ARHGAP8: variants seen among roughly 807,000 people sequenced by gnomAD.
The protein encoded by ARHGAP8 is rho GTPase-activating protein 8.
Under a neutral mutation model 46.1 loss-of-function variants are expected in ARHGAP8, and 62 were observed. That is an observed-to-expected ratio of 1.34 (90% CI 1.10 to 1.66). ARHGAP8 has a LOEUF of 1.66. Among genes scored for constraint, ARHGAP8 ranks in the 40% most tolerant of loss-of-function variants. The probability of loss-of-function intolerance (pLI) is 0.00; values close to 1 mark genes in which losing one functional copy is unlikely to be tolerated. For synonymous variants in ARHGAP8, 375 were observed against 243.1 expected (o/e 1.54, Z -5.05); for missense variants, 923 against 568.4 (o/e 1.62, Z -6.34).
chr22:44,822,171 G>C (rs1417336216), intron 5 of ARHGAP8, among the ~76,000 whole-genome samples, 200 bp from the exon 6 acceptor site: 3 of 152,112 alleles, frequency 2.0e-5, no homozygotes, highest in Non-Finnish European at 4.4e-5. Flanking sequence ...TGGTGCATTG[G>C]AGATCTCGTG....
At chr22:44,774,817 T>C (rs132474) in intron 1 of ARHGAP8, among the ~76,000 whole-genome samples, 120,838 of 150,812 alleles carry the variant, frequency 0.8, 48,625 homozygotes, top group South Asian at 0.87. Context: ...CCACCGTGCC[T>C]GGCCTTTTTT....
chr22:44,859,863 G>A (rs753906930), intron 11 of ARHGAP8, 29 bp downstream of exon 11: 12 of 1,608,270 alleles, frequency 7.5e-6, no homozygotes, highest in Non-Finnish European at 9.3e-6. Context: ...AGCTTGGGGT[G>A]AAGCCCAGTG....
At chr22:44,857,005 A>G (rs1207594794) in intron 10 of ARHGAP8, among the ~76,000 whole-genome samples, 1 of 141,634 alleles carries the variant, frequency 7.1e-6, no homozygotes, top group South Asian at 2.2e-4. Flanking sequence ...CAATGGTGCA[A>G]TCTCGGCTCA....
rs74954045 is a variant in ARHGAP8 at position 44,791,828 on chromosome 22, A to G, written c.79+5222A>G. 3.2e-4 allele frequency among the ~76,000 whole-genome samples: 48 copies of G among 152,268 alleles called. 1 individual carries two copies. In the East Asian group the frequency reaches 4.4e-3, roughly 14 times the overall value. ...TTAACCAGCAGTCATCAGGAACAAC[A>G]AGGATGGAGGTGCCTGGAGAAGAGC... is the stretch of plus-strand genomic sequence containing the variant. On this transcript the variant is annotated intron_variant, in intron 2 of 11. Coordinates refer to ENST00000356099, the MANE Select transcript of ARHGAP8 (RefSeq NM_181335.3).
At position 44,862,378 on chromosome 22, in the gene ARHGAP8, C is replaced by T; in HGVS notation, c.1085C>T (p.Ala362Val). The T allele has an allele frequency of 6.2e-7, 1 of 1,614,154 alleles. No individual in the cohort carries two copies. The highest frequency in any genetic ancestry group is 8.5e-7 in the Non-Finnish European group (1 of 1,180,018). ...WPSQGVSSLS[A>V]LVPLNMFTEL... is the part of the protein sequence containing the mutation. ...TCCCAGGGGGTCTCCTCCCTGAGTGCCCTTGTGCCCCTGAACATGTTCACT... is the reference window on the plus strand; with the variant it reads ...TCCCAGGGGGTCTCCTCCCTGAGTGTCCTTGTGCCCCTGAACATGTTCACT... Residue 362 changes from alanine (A) to valine (V), a missense_variant, in exon 12 of 12, where the codon GCC becomes GTC. Coordinates refer to ENST00000356099, the MANE Select transcript of ARHGAP8 (RefSeq NM_181335.3).
chr22:44,786,175 G>C (rs899489702), intron 1 of ARHGAP8: 2 of 543,524 alleles, frequency 3.7e-6, no homozygotes, highest in Non-Finnish European at 6.6e-6. Flanking sequence ...GTGCATAATG[G>C]GTGCTCGGCT....
intron 1 of ARHGAP8, among the ~76,000 whole-genome samples, chr22:44,767,744 G>A (rs1391277362): frequency 1.3e-5 from 2 of 151,304 alleles, no homozygotes; most frequent in South Asian, 2.1e-4. Context: ...GCAGAGGTGC[G>A]TGCCTGTAAT....
chr22:44,860,931 G>A lies in ARHGAP8; in HGVS notation c.981+1097G>A, dbSNP rs560591283. Among the ~76,000 whole-genome samples, 11 of 152,064 alleles carry A rather than the reference G, an allele frequency of 7.2e-5. No individual in the cohort carries two copies. The East Asian group carries it at 1.4e-3, about 19-fold the overall frequency. ...AGTCTGTTGGAGAATGTCACTTCTTGGTTTTACAACAATTTTTTTTCTCCC... is the reference window on the plus strand; with the variant it reads ...AGTCTGTTGGAGAATGTCACTTCTTAGTTTTACAACAATTTTTTTTCTCCC... On this transcript the variant is annotated intron_variant, in intron 11 of 11. Coordinates refer to ENST00000356099, the MANE Select transcript of ARHGAP8 (RefSeq NM_181335.3).
intron 5 of ARHGAP8, among the ~76,000 whole-genome samples, chr22:44,815,170 C>G (rs912977779): frequency 2.0e-5 from 3 of 152,196 alleles, no homozygotes; most frequent in African/African-American, 7.2e-5. Flanking sequence ...TCCAGGAGGA[C>G]CAAGTGCAAG....
chr22:44,810,373 C>T (rs1364905092), intron 4 of ARHGAP8, among the ~76,000 whole-genome samples: 1 of 151,970 alleles, frequency 6.6e-6, no homozygotes, highest in African/African-American at 2.4e-5. Flanking sequence ...TCCTGAGTAC[C>T]TGGGACTACA....
intron 1 of ARHGAP8, among the ~76,000 whole-genome samples, chr22:44,776,848 C>T (rs1926462051): frequency 6.6e-6 from 1 of 152,014 alleles, no homozygotes; most frequent in African/African-American, 2.4e-5. Flanking sequence ...GTAACTCACC[C>T]CTCCTTCCAC....
chr22:44,786,711 GGCAAGATT>G, intron 2 of ARHGAP8, 105 bp downstream of exon 2: 3 of 1,457,664 alleles, frequency 2.1e-6, no homozygotes, highest in Non-Finnish European at 2.7e-6. Flanking sequence ...ACTGCAGCTG[GGCAAGATT>G]GAAATCTAAT....
intron 9 of ARHGAP8, 141 bp from the exon 10 acceptor site, chr22:44,848,791 A>G: frequency 4.1e-6 from 6 of 1,459,230 alleles, no homozygotes; most frequent in Non-Finnish European, 5.5e-6. Context: ...AGGTGGGGAC[A>G]GCATCATCCC....
chr22:44,858,256 G>T (rs1434010979), intron 10 of ARHGAP8, among the ~76,000 whole-genome samples: 9 of 152,242 alleles, frequency 5.9e-5, no homozygotes, highest in Non-Finnish European at 1.3e-4. Context: ...TGTGTTGGAG[G>T]ATGTGGGTAC....
At chr22:44,759,686 T>C (rs890238016) in intron 1 of ARHGAP8, among the ~76,000 whole-genome samples, 3 of 152,214 alleles carry the variant, frequency 2.0e-5, no homozygotes, top group Non-Finnish European at 4.4e-5. Flanking sequence ...CTCAGAAGTA[T>C]CCTGGAGCCT....
intron 10 of ARHGAP8, 109 bp from the exon 11 acceptor site, chr22:44,859,622 G>T (rs929690138): frequency 1.3e-4 from 158 of 1,210,948 alleles, no homozygotes; most frequent in Non-Finnish European, 1.4e-4. Flanking sequence ...ATGTGGGATA[G>T]TCCATCCTCA....
chr22:44,772,335 TTTGTATTTTCTTTTTTC>T (rs1264215247), intron 1 of ARHGAP8, among the ~76,000 whole-genome samples: 5 of 134,992 alleles, frequency 3.7e-5, no homozygotes, highest in South Asian at 2.3e-4. Context: ...TGACTTTTTT[TTTGTATTTTCTTTTTTC>T]TTTTTTTTTT....
intron 11 of ARHGAP8, among the ~76,000 whole-genome samples, chr22:44,861,146 T>A (rs3830117): frequency 0.41 from 62,025 of 151,778 alleles, 12,928 homozygotes; most frequent in East Asian, 0.6. Context: ...TAATTTTTGT[T>A]TTTTTAGTAG....
chr22:44,779,801 C>T (rs132491), intron 1 of ARHGAP8, among the ~76,000 whole-genome samples: 132,760 of 151,898 alleles, frequency 0.87, 58,075 homozygotes, highest in Non-Finnish European at 0.89. Context: ...ACTCCTGACC[C>T]CGGTTGATCC....
Sources: allele counts gnomAD v4.1 joint callset (sites outside exome capture counted in the v4.1 genomes callset), GRCh38; gene constraint gnomAD v4.1.1; transcripts MANE v1.5; gene names NCBI Gene and HGNC (gene_info 2026-07-23, HGNC 2026-07-21).